The following MDGA2 variants were observed in gnomAD, a reference collection of about 807,000 sequenced individuals.
MDGA2 encodes the protein MAM domain containing glycosylphosphatidylinositol anchor 2.
In MDGA2, 40 loss-of-function variants were observed where a neutral mutation model predicts 117.8. The observed-to-expected ratio is 0.34, with a 90% confidence interval of 0.26 to 0.44. The LOEUF (loss-of-function observed/expected upper bound fraction) is 0.44, where lower values mean the gene tolerates loss of function less well. MDGA2 is among the 20% of genes least tolerant of loss of function. MDGA2 has a pLI of 1.00. For missense variants in MDGA2, 1,123 were observed against 1,250.6 expected, an observed-to-expected ratio of 0.90 and a Z score of 1.54; for synonymous variants, 452 against 439.0, an observed-to-expected ratio of 1.03 and a Z score of -0.37.
intron 1 of MDGA2, among the ~76,000 whole-genome samples, chr14:47,352,350 T>C (rs577374559): frequency 2.9e-4 from 44 of 152,254 alleles, no homozygotes; most frequent in Non-Finnish European, 5.0e-4. Context: ...TTCCACAAAA[T>C]AACAACTGCT....
intron 1 of MDGA2, among the ~76,000 whole-genome samples, chr14:47,637,222 C>CA (rs1204850660): frequency 2.0e-5 from 3 of 152,072 alleles, no homozygotes; most frequent in Admixed American, 6.6e-5. Context: ...CAAGATCACC[C>CA]AGTTGGCTAG....
At chr14:46,999,387 T>G (rs147095056) in intron 8 of MDGA2, among the ~76,000 whole-genome samples, 111 of 152,206 alleles carry the variant, frequency 7.3e-4, no homozygotes, top group African/African-American at 2.6e-3. Flanking sequence ...AGGTCAAGTG[T>G]TTGGAAAGGT....
intron 8 of MDGA2, among the ~76,000 whole-genome samples, chr14:47,003,757 G>GTT (rs1486155930): frequency 6.6e-5 from 10 of 151,796 alleles, no homozygotes; most frequent in African/African-American, 2.2e-4. Context: ...CTTTCAAACA[G>GTT]CAGAAGTTTA....
Position 46,962,503 on chromosome 14 carries a change from C to T in MDGA2, c.1820-4860G>A, listed in dbSNP as rs139375782. On this transcript the variant is annotated intron_variant, in intron 8 of 16. Coordinates refer to ENST00000399232, the MANE Select transcript of MDGA2 (RefSeq NM_001113498.3). ...CAAAGATGCCATCAGAATTGAAGCT[C>T]AAATTTGTCCATATTCAGCAAATAC... 3.9e-3 allele frequency among the ~76,000 whole-genome samples: 591 copies of T among 152,294 alleles called. 8 individuals are homozygous for T. The highest frequency in any genetic ancestry group is 0.014 in the African/African-American group (579 of 41,568).
chr14:47,192,442 C>T (rs1361640800), intron 3 of MDGA2, among the ~76,000 whole-genome samples: 1 of 151,896 alleles, frequency 6.6e-6, no homozygotes, highest in African/African-American at 2.4e-5. Flanking sequence ...TGGCAAAACC[C>T]CATCTCTACA....
At position 47,172,045 on chromosome 14, in the gene MDGA2, T is replaced by A. The variant is rs141119394; in HGVS notation, c.596-27771A>T. Among the ~76,000 whole-genome samples the A allele has an allele frequency of 3.2e-3, 482 of 152,266 alleles. 2 individuals are homozygous for A. Among genetic ancestry groups the A allele is most frequent in the African/African-American group, 0.011 (459 of 41,564 alleles). On this transcript the variant is annotated intron_variant, in intron 3 of 16. Coordinates refer to ENST00000399232, the MANE Select transcript of MDGA2 (RefSeq NM_001113498.3). ...ATGCCCACTGAGTCTCGCTGATTGC[T>A]AGCACAGTGGTCTGAGATCAAACTG...
intron 1 of MDGA2, among the ~76,000 whole-genome samples, chr14:47,533,585 C>A (rs145911864): frequency 9.2e-4 from 140 of 152,290 alleles, no homozygotes; most frequent in Non-Finnish European, 6.8e-4. Flanking sequence ...AGGCTCAAAA[C>A]ACCACCACAT....
At chr14:47,540,074 A>G (rs565619764) in intron 1 of MDGA2, among the ~76,000 whole-genome samples, 376 of 151,912 alleles carry the variant, frequency 2.5e-3, no homozygotes, top group East Asian at 0.023. Context: ...GTGCGGTGGC[A>G]CGATCTCGGC....
At chr14:47,180,629 C>T (rs998576783) in intron 3 of MDGA2, among the ~76,000 whole-genome samples, 2 of 152,042 alleles carry the variant, frequency 1.3e-5, no homozygotes, top group African/African-American at 4.8e-5. Flanking sequence ...CAATGAAATA[C>T]CATCTCACAG....
chr14:47,035,311 A>T lies in MDGA2; in HGVS notation c.1526-7T>A. The T allele has an allele frequency of 6.2e-7, 1 of 1,601,976 alleles. No homozygotes were observed. Among genetic ancestry groups the T allele is most frequent in the Non-Finnish European group, 8.5e-7 (1 of 1,174,186 alleles). ...ACAGTCAGATTGGGTGGAACTTGAAATGGGAAAAAGAAAATTTTTCAAGGT... is the reference window on the plus strand; with the variant it reads ...ACAGTCAGATTGGGTGGAACTTGAATTGGGAAAAAGAAAATTTTTCAAGGT... On this transcript the variant is annotated splice_polypyrimidine_tract_variant and splice_region_variant and intron_variant, in intron 7 of 16. Transcript: ENST00000399232.
chr14:47,643,988 A>G (rs183973913), intron 1 of MDGA2, among the ~76,000 whole-genome samples: 1 of 152,282 alleles, frequency 6.6e-6, no homozygotes, highest in Admixed American at 6.5e-5. Context: ...CATTCAGTGG[A>G]TCAGAGTGTA....
At chr14:47,103,029 TATCA>T (rs1462444325) in intron 5 of MDGA2, among the ~76,000 whole-genome samples, 1 of 152,112 alleles carries the variant, frequency 6.6e-6, no homozygotes, top group Non-Finnish European at 1.5e-5. Flanking sequence ...AAAGCACCCC[TATCA>T]ATCAAGATAT....
rs2139831867 is a variant in MDGA2, at chr14:47,307,731, G to A, written c.281-6181C>T. 2.6e-5 allele frequency among the ~76,000 whole-genome samples: 4 copies of A among 152,140 alleles called. No homozygotes were observed. In the South Asian group the frequency reaches 8.3e-4, roughly 32 times the overall value. On this transcript the variant is annotated intron_variant, in intron 1 of 16. Transcript: ENST00000399232. ...GAAAAAAATATGAAGATTTGAAGAA[G>A]AAGGTGGAGAATTCAGTTTTGGATG... is the stretch of plus-strand genomic sequence containing the variant.
At chr14:47,455,841 AC>A (rs768239874) in intron 1 of MDGA2, among the ~76,000 whole-genome samples, 1 of 151,910 alleles carries the variant, frequency 6.6e-6, no homozygotes, top group Non-Finnish European at 1.5e-5. Context: ...TACTAAAGAT[AC>A]AAAAATTAGC....
intron 1 of MDGA2, among the ~76,000 whole-genome samples, chr14:47,478,934 G>A (rs1893897603): frequency 6.6e-6 from 1 of 151,998 alleles, no homozygotes; most frequent in Non-Finnish European, 1.5e-5. Context: ...GCTTTTCGTG[G>A]GCAAGTCAGA....
intron 1 of MDGA2, among the ~76,000 whole-genome samples, chr14:47,412,257 C>A (rs1892388930): frequency 6.6e-6 from 1 of 152,094 alleles, no homozygotes; most frequent in Admixed American, 6.6e-5. Context: ...AGAAGAAAAA[C>A]AAAACAGAAA....
intron 1 of MDGA2, among the ~76,000 whole-genome samples, chr14:47,376,129 T>C (rs1431071006): frequency 3.9e-5 from 6 of 152,188 alleles, no homozygotes; most frequent in Non-Finnish European, 1.5e-5. Flanking sequence ...TCAATGTCTC[T>C]GTCCCAAAGC....
intron 3 of MDGA2, among the ~76,000 whole-genome samples, chr14:47,214,804 C>T (rs1886024455): frequency 6.6e-6 from 1 of 152,022 alleles, no homozygotes; most frequent in African/African-American, 2.4e-5. Flanking sequence ...GTGGGATTTG[C>T]TGAGAGGTAC....
intron 1 of MDGA2, among the ~76,000 whole-genome samples, chr14:47,400,648 T>C (rs1053460558): frequency 6.8e-6 from 1 of 148,034 alleles, no homozygotes; most frequent in Non-Finnish European, 1.5e-5. Flanking sequence ...ATCGTGCCAC[T>C]GCACTCCAAC....
Sources: gnomAD v4.1 joint callset for allele counts (sites outside exome capture counted in the v4.1 genomes callset) on GRCh38, gnomAD v4.1.1 for gene constraint, MANE v1.5 for transcripts, NCBI Gene and HGNC (gene_info 2026-07-23, HGNC 2026-07-21) for gene names.